Variants in PITPNC1 observed in about 807,000 individuals in gnomAD.
The protein encoded by PITPNC1 is phosphatidylinositol transfer protein cytoplasmic 1, also known as cytoplasmic phosphatidylinositol transfer protein 1.
A neutral mutation model predicts 44.7 loss-of-function variants in PITPNC1; 18 were observed. The ratio of observed to expected loss-of-function variants is 0.40; its 90% CI spans 0.28 to 0.60. The LOEUF (loss-of-function observed/expected upper bound fraction) is 0.60, where lower values mean the gene tolerates loss of function less well. PITPNC1 is among the 20% of genes least tolerant of loss of function. The pLI is 0.39. For missense variants in PITPNC1, 290 were observed against 418.4 expected (o/e 0.69, Z 2.68); for synonymous variants, 141 against 149.6 (o/e 0.94, Z 0.42).
chr17:67,655,802 G>C (rs1341081945), intron 6 of PITPNC1, among the ~76,000 whole-genome samples: 1 of 151,970 alleles, frequency 6.6e-6, no homozygotes, highest in African/African-American at 2.4e-5. Context: ...AATTAGCTGG[G>C]CATGGTGGTG....
chr17:67,458,227 T>A (rs757604518), intron 1 of PITPNC1, among the ~76,000 whole-genome samples: 11 of 152,212 alleles, frequency 7.2e-5, no homozygotes, highest in Non-Finnish European at 1.3e-4. Context: ...ACAGGTGTTT[T>A]TCCCAACATC....
rs539221490 is a variant in PITPNC1 at position 67,413,629 on chromosome 17, TGAG to T, written c.48+35431_48+35433del. 7.2e-4 allele frequency among the ~76,000 whole-genome samples: 109 copies of T among 152,176 alleles called. 1 individual carries two copies. The highest frequency in any genetic ancestry group is 1.3e-3 in the Non-Finnish European group (89 of 68,024). On this transcript the variant is annotated intron_variant, in intron 1 of 8. Coordinates refer to ENST00000581322, the MANE Select transcript of PITPNC1 (RefSeq NM_012417.4). ...GCTTCCGTGGTTCACATGAGGCAGATGAGGAGTTTGATGCATGCTGGGTGACAT... is the reference window on the plus strand; with the variant it reads ...GCTTCCGTGGTTCACATGAGGCAGATGAGTTTGATGCATGCTGGGTGACAT...
chr17:67,440,719 T>A (rs1041452134), intron 1 of PITPNC1, among the ~76,000 whole-genome samples: 43 of 150,366 alleles, frequency 2.9e-4, no homozygotes, highest in East Asian at 1.2e-3. Context: ...TGAAAAAAAA[T>A]TTTTTTTATA....
chr17:67,386,037 TC>T, intron 1 of PITPNC1, among the ~76,000 whole-genome samples: 2 of 152,264 alleles, frequency 1.3e-5, no homozygotes, highest in African/African-American at 4.8e-5. Flanking sequence ...TGGAGGAAGT[TC>T]CTAAGGCTCT....
intron 1 of PITPNC1, among the ~76,000 whole-genome samples, chr17:67,478,021 G>A (rs1282172711): frequency 1.3e-5 from 2 of 152,210 alleles, no homozygotes; most frequent in South Asian, 4.1e-4. Context: ...TGTTTGGTTC[G>A]GCCCCTAAGA....
intron 1 of PITPNC1, among the ~76,000 whole-genome samples, chr17:67,525,958 C>CTTGTTAG (rs1227631687): frequency 6.6e-6 from 1 of 152,150 alleles, no homozygotes; most frequent in Non-Finnish European, 1.5e-5. Context: ...GGTGATATGG[C>CTTGTTAG]GTCCGCCCAT....
chr17:67,684,396 A>G (rs2144451858), intron 8 of PITPNC1, among the ~76,000 whole-genome samples: 1 of 152,012 alleles, frequency 6.6e-6, no homozygotes, highest in Middle Eastern at 3.4e-3. Flanking sequence ...TACAGGCATA[A>G]GCCACCCTGC....
chr17:67,458,750 G>A (rs2039290557), intron 1 of PITPNC1, among the ~76,000 whole-genome samples: 2 of 152,130 alleles, frequency 1.3e-5, no homozygotes, highest in African/African-American at 4.8e-5. Flanking sequence ...AACCTTTAGT[G>A]GGGGTTATTT....
chr17:67,419,349 A>G (rs979695695), intron 1 of PITPNC1, among the ~76,000 whole-genome samples: 5 of 152,200 alleles, frequency 3.3e-5, no homozygotes, highest in African/African-American at 9.6e-5. Context: ...AGTAGGACGC[A>G]GACATGATGC....
intron 1 of PITPNC1, among the ~76,000 whole-genome samples, chr17:67,468,228 G>A (rs188102155): frequency 4.9e-4 from 74 of 152,196 alleles, no homozygotes; most frequent in African/African-American, 1.8e-3. Flanking sequence ...TAGTACAGGA[G>A]GAAGCAGGCA....
chr17:67,431,155 T>G (rs1204670994), intron 1 of PITPNC1, among the ~76,000 whole-genome samples: 1 of 145,426 alleles, frequency 6.9e-6, no homozygotes, highest in Non-Finnish European at 1.5e-5. Flanking sequence ...ACCTCCCGGG[T>G]TCAAGCGATT....
chr17:67,383,859 G>C (rs1436028847), intron 1 of PITPNC1, among the ~76,000 whole-genome samples: 1 of 152,006 alleles, frequency 6.6e-6, no homozygotes, highest in Non-Finnish European at 1.5e-5. Context: ...ACTAACATGA[G>C]AAACCCCGTC....
chr17:67,381,721 C>T (rs538936145), intron 1 of PITPNC1, among the ~76,000 whole-genome samples: 1 of 142,722 alleles, frequency 7.0e-6, no homozygotes, highest in Non-Finnish European at 1.5e-5. Flanking sequence ...CCGCCTTGGC[C>T]TCCCAAAGGC....
intron 5 of PITPNC1, among the ~76,000 whole-genome samples, chr17:67,588,684 A>T (rs2041353719): frequency 6.6e-6 from 1 of 152,228 alleles, no homozygotes. Context: ...CCCTCGGCCA[A>T]GGTCGGGGAC....
intron 1 of PITPNC1, among the ~76,000 whole-genome samples, chr17:67,479,485 G>T (rs746365597): frequency 1.3e-5 from 2 of 152,310 alleles, no homozygotes; most frequent in East Asian, 3.9e-4. Flanking sequence ...CCATTAATAT[G>T]TCTAAATCTC....
chr17:67,493,635 A>G (rs1484276665), intron 1 of PITPNC1, among the ~76,000 whole-genome samples: 2 of 152,226 alleles, frequency 1.3e-5, no homozygotes, highest in Non-Finnish European at 2.9e-5. Flanking sequence ...CTGATGCCCC[A>G]AGATCTTTCT....
Position 67,623,389 on chromosome 17 carries a change from T to G in PITPNC1, c.367-8754T>G, listed in dbSNP as rs145356835. On this transcript the variant is annotated intron_variant, in intron 5 of 8. Transcript: ENST00000581322. Reference sequence around the variant, plus strand: ...AGATTTTCTTTTCTTTTCTTTTCTTTTTTCTTCTGAGATGGAGTCTTGCTG... The same window carrying G: ...AGATTTTCTTTTCTTTTCTTTTCTTGTTTCTTCTGAGATGGAGTCTTGCTG... Among the ~76,000 whole-genome samples the G allele has an allele frequency of 3.5e-4, 54 of 152,254 alleles. 1 individual carries two copies. The East Asian group carries it at 0.01, about 28-fold the overall frequency.
rs549474027 is a variant in PITPNC1 at position 67,681,458 on chromosome 17, A to G, written c.682+5916A>G. Among the ~76,000 whole-genome samples, 5 of 151,984 alleles carry G rather than the reference A, an allele frequency of 3.3e-5. No homozygotes were observed. The South Asian group carries it at 1.0e-3, about 32-fold the overall frequency. On this transcript the variant is annotated intron_variant, in intron 8 of 8. Coordinates refer to ENST00000581322, the MANE Select transcript of PITPNC1 (RefSeq NM_012417.4). The stretch of plus-strand genomic sequence containing the variant: ...GGAGACCCCATCTCTACAAAAATTA[A>G]AAATTAGCTGGACATGATGGTGTGC...
At chr17:67,411,365 T>C (rs1430554356) in intron 1 of PITPNC1, among the ~76,000 whole-genome samples, 1 of 152,138 alleles carries the variant, frequency 6.6e-6, no homozygotes, top group Non-Finnish European at 1.5e-5. Flanking sequence ...AAGCGAGTTG[T>C]CCTGGAAAGC....
Sources: allele counts gnomAD v4.1 joint callset (sites outside exome capture counted in the v4.1 genomes callset), GRCh38; gene constraint gnomAD v4.1.1; transcripts MANE v1.5; gene names NCBI Gene and HGNC (gene_info 2026-07-23, HGNC 2026-07-21).